Variants in COL22A1 observed in about 807,000 individuals in gnomAD.
COL22A1 encodes the protein collagen type XXII alpha 1 chain.
In COL22A1, 221 loss-of-function variants were observed where a neutral mutation model predicts 248.9. The observed-to-expected ratio is 0.89, with a 90% CI of 0.80 to 0.99. The LOEUF (loss-of-function observed/expected upper bound fraction) is 0.99. Ranked by LOEUF, COL22A1 falls within the 50% of genes least tolerant of loss-of-function variation. The probability of loss-of-function intolerance (pLI) is 0.00; values close to 1 mark genes in which losing one functional copy is unlikely to be tolerated. For missense variants in COL22A1, 2,240 were observed against 2,179.0 expected, an observed-to-expected ratio of 1.03 and a Z score of -0.56; for synonymous variants, 891 against 793.4, an observed-to-expected ratio of 1.12 and a Z score of -2.07.
intron 43 of COL22A1, among the ~76,000 whole-genome samples, chr8:138,661,575 A>G (rs1319396908): frequency 2.0e-5 from 3 of 152,218 alleles, no homozygotes; most frequent in African/African-American, 7.2e-5. Flanking sequence ...AATGGAGACA[A>G]GAGATGACTG....
chr8:138,910,612 G>T (rs1815386050), intron 1 of COL22A1, among the ~76,000 whole-genome samples: 1 of 152,008 alleles, frequency 6.6e-6, no homozygotes, highest in Non-Finnish European at 1.5e-5. Flanking sequence ...TGATAAATAT[G>T]TCTTGAATTC....
intron 55 of COL22A1, among the ~76,000 whole-genome samples, chr8:138,615,068 C>T (rs1189090723): frequency 6.6e-6 from 1 of 152,208 alleles, no homozygotes; most frequent in Non-Finnish European, 1.5e-5. Flanking sequence ...CACGTCCAGC[C>T]ACCCTGCAGG....
At chr8:138,857,810 C>T (rs1160567894) in intron 3 of COL22A1, among the ~76,000 whole-genome samples, 1 of 152,216 alleles carries the variant, frequency 6.6e-6, no homozygotes, top group Non-Finnish European at 1.5e-5. Flanking sequence ...TAAAGAGGAG[C>T]TGCCTTAAGG....
intron 3 of COL22A1, among the ~76,000 whole-genome samples, chr8:138,857,645 A>G (rs1188740928): frequency 6.6e-6 from 1 of 152,246 alleles, no homozygotes; most frequent in Non-Finnish European, 1.5e-5. Flanking sequence ...GAAAAGGGCA[A>G]AAGCTGAGCT....
Position 138,630,717 on chromosome 8 carries a change from G to A in COL22A1, c.3641C>T (p.Pro1214Leu), listed in dbSNP as rs781086732. ...GADGIAGAAG[P>L]PGIQGSPGKE... ...TACAGGTGACCCTTGGATTCCTGGT[G>A]GTCCAGCAGCTCCTGCAATTCCATC... The change falls in exon 50 of 65, where the codon CCA becomes CTA. Residue 1214 changes from proline (P) to leucine (L), a missense_variant. Pro to Leu is a moderately conservative substitution (Grantham distance 98). Transcript: ENST00000303045. 3.1e-6 allele frequency: 5 copies of A among 1,613,726 alleles called. No homozygotes were observed. Among genetic ancestry groups the A allele is most frequent in the Admixed American group, 1.7e-5 (1 of 59,996 alleles).
intron 4 of COL22A1, among the ~76,000 whole-genome samples, chr8:138,837,983 C>T (rs1043577644): frequency 6.6e-6 from 1 of 152,030 alleles, no homozygotes; most frequent in African/African-American, 2.4e-5. Flanking sequence ...GCACAGACAG[C>T]ACCTGGGAGT....
chr8:138,850,843 G>A (rs1322140958), intron 3 of COL22A1, among the ~76,000 whole-genome samples: 1 of 152,180 alleles, frequency 6.6e-6, no homozygotes, highest in African/African-American at 2.4e-5. Flanking sequence ...TTGTCCTAAA[G>A]GTTAAATAGG....
rs1819100024 is a variant in COL22A1, at chr8:138,821,253, G to A, written c.1128C>T (p.Val376=). The A allele has an allele frequency of 6.2e-7, 1 of 1,614,246 alleles. No individual in the cohort carries two copies. Among genetic ancestry groups the A allele is most frequent in the African/African-American group, 1.3e-5 (1 of 75,060 alleles). ...KMALSIQAQN[V]SLHIDCALVQ... ...CCAGCGCACAGTCAATGTGCAGGGA[G>A]ACGTTCTGGGCCTGGATGCTCAGGG... The change falls in exon 7 of 65, where the codon GTC becomes GTT. Residue 376 remains valine, a synonymous_variant. Coordinates refer to ENST00000303045, the MANE Select transcript of COL22A1 (RefSeq NM_152888.3).
chr8:138,790,525 C>T (rs1815941776), intron 12 of COL22A1, among the ~76,000 whole-genome samples: 1 of 152,222 alleles, frequency 6.6e-6, no homozygotes, highest in African/African-American at 2.4e-5. Context: ...TCGTGGAACT[C>T]CCTCTTCATT....
At chr8:138,723,647 T>G (rs1830076130) in intron 25 of COL22A1, among the ~76,000 whole-genome samples, 1 of 152,200 alleles carries the variant, frequency 6.6e-6, no homozygotes, top group Non-Finnish European at 1.5e-5. Flanking sequence ...GACGTTGCAG[T>G]TGACTGTGTG....
In COL22A1 at chr8:138,833,063, G is replaced by T. The variant is rs1820170981; in HGVS notation, c.821C>A (p.Ser274Tyr). The T allele has an allele frequency of 1.2e-6, 2 of 1,612,660 alleles. No homozygotes were observed. Among genetic ancestry groups the T allele is most frequent in the African/African-American group, 2.7e-5 (2 of 74,900 alleles). Reference protein sequence around the residue: ...GAQSSYVRMGSFPVVQSTEDV... With the variant: ...GAQSSYVRMGYFPVVQSTEDV... Reference sequence around the variant, plus strand: ...CTCAGTACTTTGCACCACAGGGAAGGATCCCATCCGTACATAGGAACTCTG... The same window carrying T: ...CTCAGTACTTTGCACCACAGGGAAGTATCCCATCCGTACATAGGAACTCTG... Residue 274 changes from serine (S) to tyrosine (Y), a missense_variant, in exon 5 of 65, where the codon TCC becomes TAC. Coordinates refer to ENST00000303045, the MANE Select transcript of COL22A1 (RefSeq NM_152888.3).
At chr8:138,909,186 A>G (rs1049416009) in intron 1 of COL22A1, among the ~76,000 whole-genome samples, 1 of 152,132 alleles carries the variant, frequency 6.6e-6, no homozygotes, top group Non-Finnish European at 1.5e-5. Context: ...TATTATAGGA[A>G]TAACACTTAA....
At chr8:138,625,722 A>T (rs1820182778) in intron 51 of COL22A1, among the ~76,000 whole-genome samples, 1 of 152,250 alleles carries the variant, frequency 6.6e-6, no homozygotes, top group Admixed American at 6.5e-5. Flanking sequence ...TTTATGAGGC[A>T]ACTGAGAAAT....
At chr8:138,716,994 G>A (rs906140368) in intron 27 of COL22A1, 125 bp from the exon 28 acceptor site, 10 of 764,182 alleles carry the variant, frequency 1.3e-5, no homozygotes, top group South Asian at 3.1e-5. Flanking sequence ...TCAAATATAC[G>A]GCATGGTTAG....
chr8:138,664,197 GCGCGCGCGCGCGCACA>G (rs1824251640), intron 41 of COL22A1, among the ~76,000 whole-genome samples: 1 of 70,244 alleles, frequency 1.4e-5, no homozygotes, highest in African/African-American at 5.6e-5. Context: ...CAAGGGGTGC[GCGCGCGCGCGCGCACA>G]CACACACACA....
At chr8:138,802,971 G>C in intron 10 of COL22A1, 37 bp from the exon 11 acceptor site, 1 of 1,557,158 alleles carries the variant, frequency 6.4e-7, no homozygotes, top group Middle Eastern at 1.7e-4. Flanking sequence ...ATCAGATTAG[G>C]TTTCCCGACA....
rs906223412 is a variant in COL22A1, at chr8:138,591,409, C to A, written c.4693+15G>T. 1.9e-6 allele frequency: 3 copies of A among 1,565,758 alleles called. No homozygotes were observed. The highest frequency in any genetic ancestry group is 2.6e-6 in the Non-Finnish European group (3 of 1,155,258). On this transcript the variant is annotated intron_variant, in intron 64 of 64. Transcript: ENST00000303045. ...AGCTCACACCCTACCCCTGAGACTGCAGAATGAGTCATACCTGGGATTCCA... is the reference window on the plus strand; with the variant it reads ...AGCTCACACCCTACCCCTGAGACTGAAGAATGAGTCATACCTGGGATTCCA...
chr8:138,731,220 G>A (rs1170522114), intron 23 of COL22A1, among the ~76,000 whole-genome samples: 1 of 152,068 alleles, frequency 6.6e-6, no homozygotes, highest in Non-Finnish European at 1.5e-5. Context: ...AGAATCGCTT[G>A]AACCTGGGAG....
chr8:138,859,520 T>A (rs116443628), intron 3 of COL22A1, among the ~76,000 whole-genome samples: 1 of 152,146 alleles, frequency 6.6e-6, no homozygotes, highest in Non-Finnish European at 1.5e-5. Context: ...GACAGCCAGA[T>A]GTCTGTGAGG....
Sources: gnomAD v4.1 joint callset for allele counts (sites outside exome capture counted in the v4.1 genomes callset) on GRCh38, gnomAD v4.1.1 for gene constraint, MANE v1.5 for transcripts, NCBI Gene and HGNC (gene_info 2026-07-23, HGNC 2026-07-21) for gene names.